The following ARSK variants were observed in gnomAD, a reference collection of about 807,000 sequenced individuals.
ARSK encodes arylsulfatase family member K, also known as arylsulfatase K.
A neutral mutation model predicts 53.2 loss-of-function variants in ARSK; 37 were observed. That is an observed-to-expected ratio of 0.70 (90% confidence interval 0.54 to 0.92). ARSK has a LOEUF of 0.92. Among genes scored for constraint, ARSK ranks in the 40% least tolerant of loss-of-function variants. The probability of loss-of-function intolerance (pLI) is 0.00; values close to 1 mark genes in which losing one functional copy is unlikely to be tolerated. For missense variants in ARSK, 613 were observed against 643.0 expected (o/e 0.95, Z 0.51); for synonymous variants, 208 against 223.2 (o/e 0.93, Z 0.61).
intron 3 of ARSK, among the ~76,000 whole-genome samples, chr5:95,574,174 G>T (rs1361206626): frequency 6.6e-6 from 1 of 152,018 alleles, no homozygotes; most frequent in Non-Finnish European, 1.5e-5. Context: ...CAAATTACTG[G>T]ATCTCATTCT....
chr5:95,588,730 G>A (rs925392820), intron 5 of ARSK, among the ~76,000 whole-genome samples: 6 of 151,982 alleles, frequency 3.9e-5, no homozygotes, highest in Admixed American at 6.5e-5. Context: ...TTGGGAGGCC[G>A]AGGCAAGCGG....
At chr5:95,599,793 A>G (rs1252507971) in intron 6 of ARSK, among the ~76,000 whole-genome samples, 1 of 152,240 alleles carries the variant, frequency 6.6e-6, no homozygotes, top group Non-Finnish European at 1.5e-5. Context: ...AGCGGTCTTC[A>G]TCTACTTCCC....
intron 1 of ARSK, among the ~76,000 whole-genome samples, chr5:95,557,761 T>C (rs1384945185): frequency 6.6e-6 from 1 of 152,190 alleles, no homozygotes; most frequent in African/African-American, 2.4e-5. Flanking sequence ...AAATAGCAAA[T>C]TGGTTTTACT....
intron 4 of ARSK, among the ~76,000 whole-genome samples, chr5:95,583,874 T>G (rs1372701488): frequency 6.6e-6 from 1 of 152,200 alleles, no homozygotes; most frequent in African/African-American, 2.4e-5. Context: ...TAATGATATA[T>G]CTCCAAGTTC....
rs145726940 is a variant in ARSK, at chr5:95,591,634, T to C, written c.1096+9T>C. ...TTACCCTACCATGCTTGGTAAGTAATGTAGTTCTGTAAATATTTATTTGTA... is the reference window on the plus strand; with the variant it reads ...TTACCCTACCATGCTTGGTAAGTAACGTAGTTCTGTAAATATTTATTTGTA... On this transcript the variant is annotated intron_variant, in intron 6 of 7. Coordinates refer to ENST00000380009, the MANE Select transcript of ARSK (RefSeq NM_198150.3). 11 of 1,608,630 alleles carry C rather than the reference T, an allele frequency of 6.8e-6. No homozygotes were observed. Among genetic ancestry groups the C allele is most frequent in the Middle Eastern group, 1.7e-4 (1 of 6,054 alleles).
intron 6 of ARSK, among the ~76,000 whole-genome samples, chr5:95,592,834 A>G (rs1444505629): frequency 1.3e-5 from 2 of 152,192 alleles, no homozygotes; most frequent in African/African-American, 4.8e-5. Flanking sequence ...GGCGTGAGCC[A>G]CTAAGCCTGG....
chr5:95,580,976 G>A (rs1310530092), intron 3 of ARSK: 1 of 1,207,720 alleles, frequency 8.3e-7, no homozygotes, highest in South Asian at 1.3e-5. Context: ...CCATAATCTT[G>A]TCTCTGCTGC....
chr5:95,588,925 G>A (rs1175954597), intron 5 of ARSK, among the ~76,000 whole-genome samples: 3 of 152,078 alleles, frequency 2.0e-5, no homozygotes, highest in African/African-American at 4.8e-5. Context: ...TCACACCACT[G>A]CACTCCAGCC....
intron 7 of ARSK, 109 bp from the exon 8 acceptor site, chr5:95,603,128 G>C (rs1749431600): frequency 1.2e-6 from 1 of 840,934 alleles, no homozygotes; most frequent in South Asian, 2.3e-5. Flanking sequence ...ACACTAACAG[G>C]AACTGAAAAT....
chr5:95,569,910 A>G (rs1166776526), intron 3 of ARSK, among the ~76,000 whole-genome samples: 1 of 152,208 alleles, frequency 6.6e-6, no homozygotes, highest in Non-Finnish European at 1.5e-5. Flanking sequence ...CAATCCTGAC[A>G]TTCCTATTCT....
At position 95,580,849 on chromosome 5, in the gene ARSK, C is replaced by G. The variant is rs935318953; in HGVS notation, c.417-2067C>G. The G allele has an allele frequency of 4.7e-5, 55 of 1,170,182 alleles. No homozygotes were observed. The African/African-American group carries it at 8.4e-4, about 18-fold the overall frequency. 72.5% of individuals were successfully genotyped at this position (1,170,182 alleles called of 1,614,324 possible). On this transcript the variant is annotated intron_variant, in intron 3 of 7. Transcript: ENST00000380009. ...ACATCACTTTATACTCATGTTCTTC[C>G]TCACTAATTTGCAAAGAAATAAATT... is the stretch of plus-strand genomic sequence containing the variant.
chr5:95,556,311 C>A, intron 1 of ARSK: 1 of 693,072 alleles, frequency 1.4e-6, no homozygotes, highest in East Asian at 2.7e-5. Flanking sequence ...ATGGGCAGTA[C>A]TGGAAATTGA....
In ARSK at chr5:95,593,667, C is replaced by G. The variant is rs529264224; in HGVS notation, c.1096+2042C>G. 2.4e-3 allele frequency among the ~76,000 whole-genome samples: 369 copies of G among 152,224 alleles called. 3 individuals carry two copies. Among genetic ancestry groups the G allele is most frequent in the Non-Finnish European group, 3.3e-3 (221 of 67,992 alleles). On this transcript the variant is annotated intron_variant, in intron 6 of 7. Transcript: ENST00000380009. ...TAAAATTTGTTAGAATGGGGAAATT[C>G]TCATGCATCTACCTATCATCACTGC...
At chr5:95,592,979 T>C (rs1202952549) in intron 6 of ARSK, among the ~76,000 whole-genome samples, 3 of 152,218 alleles carry the variant, frequency 2.0e-5, no homozygotes, top group Non-Finnish European at 2.9e-5. Context: ...TGATCACTAT[T>C]ACTTTTCCTC....
At position 95,586,699 on chromosome 5, in the gene ARSK, T is replaced by C; in HGVS notation, c.837T>C (p.Tyr279=). The C allele has an allele frequency of 6.2e-7, 1 of 1,611,288 alleles. No homozygotes were observed. Among genetic ancestry groups the C allele is most frequent in the Non-Finnish European group, 8.5e-7 (1 of 1,178,472 alleles). The change falls in exon 5 of 8, where the codon TAT becomes TAC. Residue 279 remains tyrosine (Y), a synonymous_variant. Transcript: ENST00000380009. ...AAATTAAGAATATTAGAGCATTTTA[T>C]TATGCTATGTGTGCTGAGACAGATG... The part of the protein sequence containing the change: ...KKEIKNIRAF[Y]YAMCAETDAM...
intron 1 of ARSK, among the ~76,000 whole-genome samples, chr5:95,559,933 T>C (rs759685865): frequency 5.3e-5 from 8 of 152,202 alleles, no homozygotes; most frequent in Admixed American, 1.3e-4. Context: ...TAATCTTGTA[T>C]GTAGGATTCT....
chr5:95,556,438 A>T, intron 1 of ARSK: 1 of 564,406 alleles, frequency 1.8e-6, no homozygotes, highest in Non-Finnish European at 3.1e-6. Context: ...TTCTCAAACT[A>T]GTATGGTGCT....
rs745593263 is a variant in ARSK at position 95,567,846 on chromosome 5, T to A, written c.257-44T>A. On this transcript the variant is annotated intron_variant, in intron 2 of 7. Transcript: ENST00000380009. The stretch of plus-strand genomic sequence containing the variant: ...AGTAATTGTCCTAATAGTTAAATTG[T>A]TAAGCTTTACCTTAATCCCAATTCC... 4.5e-6 allele frequency: 7 copies of A among 1,554,078 alleles called. No homozygotes were observed. The African/African-American group carries it at 8.3e-5, about 18-fold the overall frequency.
chr5:95,593,302 G>A (rs1012004659), intron 6 of ARSK, among the ~76,000 whole-genome samples: 6 of 151,904 alleles, frequency 3.9e-5, no homozygotes, highest in African/African-American at 7.3e-5. Context: ...TTCTTTCTCC[G>A]TTTTTCCCTC....
Sources: gnomAD v4.1 joint callset for allele counts (sites outside exome capture counted in the v4.1 genomes callset) on GRCh38, gnomAD v4.1.1 for gene constraint, MANE v1.5 for transcripts, NCBI Gene and HGNC (gene_info 2026-07-23, HGNC 2026-07-21) for gene names.